Variants in LMNB1 observed in about 807,000 individuals in gnomAD.
LMNB1 encodes the protein lamin-B1.
In LMNB1, 23 loss-of-function variants were observed where a neutral mutation model predicts 67.1. That is an observed-to-expected ratio of 0.34 (90% CI 0.25 to 0.49). The LOEUF is 0.49. LMNB1 is among the 20% of genes least tolerant of loss of function. The probability of loss-of-function intolerance (pLI) is 0.99; values close to 1 mark genes in which losing one functional copy is unlikely to be tolerated. For missense variants in LMNB1, 634 were observed against 746.5 expected, an observed-to-expected ratio of 0.85 and a Z score of 1.76; for synonymous variants, 281 against 282.9, an observed-to-expected ratio of 0.99 and a Z score of 0.07.
At chr5:126,822,711 A>C in intron 7 of LMNB1, 70 bp from the exon 8 acceptor site, 1 of 937,736 alleles carries the variant, frequency 1.1e-6, no homozygotes. Context: ...GTATGGATTA[A>C]TTTATTTGAT....
intron 2 of LMNB1, 70 bp from the exon 3 acceptor site, chr5:126,805,501 T>C: frequency 9.8e-7 from 1 of 1,016,840 alleles, no homozygotes; most frequent in Non-Finnish European, 1.5e-6. Context: ...ATTTGATTCA[T>C]AGATATCTTA....
At position 126,810,161 on chromosome 5, in the gene LMNB1, C is replaced by T; in HGVS notation, c.643-19C>T. 1 of 1,599,602 alleles carries T rather than the reference C, an allele frequency of 6.3e-7. No individual in the cohort carries two copies. The highest frequency in any genetic ancestry group is 2.2e-5 in the East Asian group (1 of 44,542). The stretch of plus-strand genomic sequence containing the variant: ...CCATGGTAAGTAGCTTGGCTTTATG[C>T]TTTTTGTTTTTTCCCCAGGAGATTA... On this transcript the variant is annotated intron_variant, in intron 3 of 10. Transcript: ENST00000261366.
intron 1 of LMNB1, among the ~76,000 whole-genome samples, chr5:126,787,947 T>G (rs1750851167): frequency 6.6e-6 from 1 of 151,904 alleles, no homozygotes; most frequent in African/African-American, 2.4e-5. Context: ...AATTGTGACA[T>G]GATCATTCTG....
chr5:126,789,781 C>G (rs1395557253), intron 1 of LMNB1, among the ~76,000 whole-genome samples: 1 of 152,056 alleles, frequency 6.6e-6, no homozygotes, highest in Non-Finnish European at 1.5e-5. Context: ...TCAAGTGATT[C>G]TCCTGCCTCA....
chr5:126,806,988 A>G lies in LMNB1; in HGVS notation c.642+1292A>G, dbSNP rs573694402. On this transcript the variant is annotated intron_variant, in intron 3 of 10. Coordinates refer to ENST00000261366, the MANE Select transcript of LMNB1 (RefSeq NM_005573.4). ...GAGACGAGGTTCCACCGTGTTAGCC[A>G]GGATGGTCTCAATCTCCTGACCTTG... 3.2e-3 allele frequency among the ~76,000 whole-genome samples: 486 copies of G among 152,282 alleles called. 2 individuals are homozygous for G. The highest frequency in any genetic ancestry group is 3.9e-3 in the Admixed American group (60 of 15,288).
At chr5:126,816,838 A>G (rs1481049673) in intron 5 of LMNB1, among the ~76,000 whole-genome samples, 3 of 152,198 alleles carry the variant, frequency 2.0e-5, no homozygotes, top group African/African-American at 7.2e-5. Flanking sequence ...CACGTATGTG[A>G]TAACCACATG....
chr5:126,788,907 T>G (rs1200038272), intron 1 of LMNB1, among the ~76,000 whole-genome samples: 6 of 17,884 alleles, frequency 3.4e-4, no homozygotes, highest in East Asian at 1.6e-3. Context: ...TTTTTTTTGT[T>G]TTTTTTTTTT....
intron 5 of LMNB1, among the ~76,000 whole-genome samples, chr5:126,814,212 C>A (rs1276650966): frequency 1.3e-5 from 2 of 152,166 alleles, no homozygotes; most frequent in East Asian, 3.9e-4. Flanking sequence ...ACTGTCTTAA[C>A]AGGTACTTTT....
Position 126,819,054 on chromosome 5 carries a change from A to T in LMNB1, c.1072A>T (p.Asn358Tyr), listed in dbSNP as rs1580549878. ...AAGGGATCAAATGCAGCAACAGCTG[A>T]ATGACTATGAACAGCTTCTTGATGT... Reference protein sequence around the residue: ...EIRDQMQQQLNDYEQLLDVKL... With the variant: ...EIRDQMQQQLYDYEQLLDVKL... Residue 358 changes from asparagine to tyrosine, a missense_variant, in exon 6 of 11, where the codon AAT becomes TAT. Asn to Tyr is a moderately radical substitution (Grantham distance 143). Transcript: ENST00000261366. The T allele has an allele frequency of 1.2e-6, 2 of 1,614,166 alleles. No homozygotes were observed. Among genetic ancestry groups the T allele is most frequent in the East Asian group, 4.5e-5 (2 of 44,872 alleles).
Position 126,787,539 on chromosome 5 carries a change from TATA to T in LMNB1, c.359+9673_359+9675del, listed in dbSNP as rs1318455058. ...GTGTGTGGGGGTATATATATATATA[TATA>T]TATATTTTTTTTTTTTTTTTTTGAG... On this transcript the variant is annotated intron_variant, in intron 1 of 10. Transcript: ENST00000261366. Among the ~76,000 whole-genome samples the T allele has an allele frequency of 3.6e-3, 237 of 66,054 alleles. 5 individuals are homozygous for T. In the South Asian group the frequency reaches 0.048, roughly 13 times the overall value. The allele number at this position is 66,054 out of a possible 152,430, so 43.3% of individuals were successfully genotyped here.
At chr5:126,789,936 G>C (rs916924871) in intron 1 of LMNB1, among the ~76,000 whole-genome samples, 2 of 152,012 alleles carry the variant, frequency 1.3e-5, no homozygotes, top group African/African-American at 2.4e-5. Flanking sequence ...GCCTCCCAAA[G>C]TGCTGGGATT....
At chr5:126,822,177 A>C (rs1165371328) in intron 7 of LMNB1, among the ~76,000 whole-genome samples, 5 of 152,134 alleles carry the variant, frequency 3.3e-5, no homozygotes, top group African/African-American at 9.7e-5. Flanking sequence ...GTATTTTTAC[A>C]CAGGGCTTCA....
intron 8 of LMNB1, among the ~76,000 whole-genome samples, chr5:126,825,607 G>C (rs1000688412): frequency 6.6e-6 from 1 of 152,174 alleles, no homozygotes; most frequent in South Asian, 2.1e-4. Context: ...CACTGAGTTA[G>C]CCAGCCACTG....
intron 1 of LMNB1, among the ~76,000 whole-genome samples, chr5:126,781,564 G>A (rs1481156887): frequency 1.3e-5 from 2 of 151,912 alleles, no homozygotes; most frequent in African/African-American, 2.4e-5. Flanking sequence ...AGCCTCCCAA[G>A]TAGCTGGGAT....
chr5:126,821,561 G>C (rs2126729815), intron 7 of LMNB1, among the ~76,000 whole-genome samples: 1 of 152,266 alleles, frequency 6.6e-6, no homozygotes, highest in East Asian at 1.9e-4. Flanking sequence ...GATATTAAGG[G>C]AATATTTTTC....
At chr5:126,800,766 C>T (rs1751252527) in intron 1 of LMNB1, among the ~76,000 whole-genome samples, 1 of 146,836 alleles carries the variant, frequency 6.8e-6, no homozygotes, top group Non-Finnish European at 1.5e-5. Context: ...GATTCTCCCG[C>T]CTCAGCCTCC....
chr5:126,820,250 A>C (rs1407003683), intron 6 of LMNB1, among the ~76,000 whole-genome samples: 3 of 152,212 alleles, frequency 2.0e-5, no homozygotes, highest in Non-Finnish European at 4.4e-5. Flanking sequence ...AAGAAAGTAC[A>C]GGTACGAAAA....
At chr5:126,797,505 G>A (rs948833231) in intron 1 of LMNB1, among the ~76,000 whole-genome samples, 17 of 152,128 alleles carry the variant, frequency 1.1e-4, no homozygotes, top group African/African-American at 4.1e-4. Context: ...TAGTAATTTA[G>A]GATTCCTATC....
chr5:126,834,693 G>A (rs1580561914), intron 10 of LMNB1, among the ~76,000 whole-genome samples: 3 of 152,250 alleles, frequency 2.0e-5, no homozygotes, highest in African/African-American at 7.2e-5. Flanking sequence ...TGGCTAACAC[G>A]GTGAAACCCC....
Sources: allele counts gnomAD v4.1 joint callset (sites outside exome capture counted in the v4.1 genomes callset), GRCh38; gene constraint gnomAD v4.1.1; transcripts MANE v1.5; gene names NCBI Gene and HGNC (gene_info 2026-07-23, HGNC 2026-07-21).